TRPC3: variants seen among roughly 807,000 people sequenced by gnomAD.
The protein encoded by TRPC3 is transient receptor potential cation channel subfamily C member 3.
Under a neutral mutation model 90.9 loss-of-function variants are expected in TRPC3, and 54 were observed. The ratio of observed to expected loss-of-function variants is 0.59; its 90% CI spans 0.48 to 0.75. The LOEUF (loss-of-function observed/expected upper bound fraction) is 0.75. Among genes scored for constraint, TRPC3 ranks in the 30% least tolerant of loss-of-function variants. The probability of loss-of-function intolerance (pLI) is 0.00; values close to 1 mark genes in which losing one functional copy is unlikely to be tolerated. For missense variants in TRPC3, 918 were observed against 1,194.5 expected (o/e 0.77, Z 3.41); for synonymous variants, 424 against 450.9 (o/e 0.94, Z 0.75).
chr4:121,940,217 C>T (rs1202808380), intron 1 of TRPC3, among the ~76,000 whole-genome samples: 1 of 152,218 alleles, frequency 6.6e-6, no homozygotes. Flanking sequence ...TAGAGCAAGC[C>T]TTCCCTCCTT....
At chr4:121,895,270 A>G (rs931586077) in intron 10 of TRPC3, among the ~76,000 whole-genome samples, 1 of 152,182 alleles carries the variant, frequency 6.6e-6, no homozygotes, top group Admixed American at 6.5e-5. Flanking sequence ...AGCATAAAAA[A>G]TGCTTGAAAA....
rs1230488933 is a variant in TRPC3 at position 121,877,857 on chromosome 4, T to A, written c.*1879A>T. ...GAGGCTTATCTTCATACTTCTCTGA[T>A]CTTCAGATTCCAAGAATCTTAGGCT... is the stretch of plus-strand genomic sequence containing the variant. On this transcript the variant is annotated 3_prime_UTR_variant, in exon 12 of 12. Coordinates refer to ENST00000379645, the MANE Select transcript of TRPC3 (RefSeq NM_001130698.2). Among the ~76,000 whole-genome samples, 1 of 151,898 alleles carries A rather than the reference T, an allele frequency of 6.6e-6. No individual in the cohort carries two copies. Among genetic ancestry groups the A allele is most frequent in the East Asian group, 1.9e-4 (1 of 5,178 alleles).
chr4:121,934,136 G>A (rs1730051049), intron 1 of TRPC3, among the ~76,000 whole-genome samples: 1 of 152,122 alleles, frequency 6.6e-6, no homozygotes, highest in African/African-American at 2.4e-5. Flanking sequence ...CAATTGATGT[G>A]TACAGTGATT....
At position 121,878,590 on chromosome 4, in the gene TRPC3, A is replaced by G. The variant is rs1313756407; in HGVS notation, c.*1146T>C. ...CCTTTTCCCATTAAAGTCAAGAGGC[A>G]TTGCGGATATTACCAGCATTCAGCA... On this transcript the variant is annotated 3_prime_UTR_variant, in exon 12 of 12. Transcript: ENST00000379645. Among the ~76,000 whole-genome samples, 1 of 152,240 alleles carries G rather than the reference A, an allele frequency of 6.6e-6. No individual in the cohort carries two copies. The highest frequency in any genetic ancestry group is 1.5e-5 in the Non-Finnish European group (1 of 68,034).
intron 10 of TRPC3, among the ~76,000 whole-genome samples, chr4:121,894,422 C>T (rs1306723130): frequency 1.3e-5 from 2 of 152,010 alleles, no homozygotes; most frequent in African/African-American, 4.8e-5. Context: ...ACTTCAACCT[C>T]ACTCTCAGCA....
chr4:121,932,365 G>C lies in TRPC3; in HGVS notation c.893C>G (p.Ala298Gly). 1 of 1,614,184 alleles carries C rather than the reference G, an allele frequency of 6.2e-7. No individual in the cohort carries two copies. Among genetic ancestry groups the C allele is most frequent in the Non-Finnish European group, 8.5e-7 (1 of 1,180,022 alleles). ...INAYKGLASPAYLSLSSEDPV... is the reference protein window; with the variant it reads ...INAYKGLASPGYLSLSSEDPV... ...GTCCTCGCTGGACAATGAGAGGTAA[G>C]CCGGGCTGGCCAGCCCCTTGTAGGC... Residue 298 changes from alanine to glycine, a missense_variant, in exon 2 of 12, where the codon GCT (alanine) becomes GGT (glycine). Ala to Gly is a moderately conservative substitution (Grantham distance 60). This residue lies in a region of TRPC3 where 609 missense variants were observed against 725.9 expected (regional missense o/e 0.84). Transcript: ENST00000379645. This position sits in a 1 kb window ranked among gnomAD's most constrained non-coding sequence, Gnocchi z 7.7.
intron 1 of TRPC3, 158 bp from the exon 2 acceptor site, chr4:121,933,200 G>T: frequency 5.3e-6 from 7 of 1,331,894 alleles, no homozygotes; most frequent in Non-Finnish European, 6.7e-6. Flanking sequence ...CTACTCGCCT[G>T]AAAGTGACAC....
chr4:121,923,608 T>C (rs776897294), intron 3 of TRPC3, among the ~76,000 whole-genome samples: 1 of 152,256 alleles, frequency 6.6e-6, no homozygotes, highest in Non-Finnish European at 1.5e-5. Context: ...GCTAATCACA[T>C]GCATTATCTC....
chr4:121,903,791 T>C (rs1293045583), intron 8 of TRPC3, among the ~76,000 whole-genome samples: 1 of 152,126 alleles, frequency 6.6e-6, no homozygotes, highest in Non-Finnish European at 1.5e-5. Flanking sequence ...AGAGATTTGG[T>C]GGAGTTAACA....
At chr4:121,928,121 C>T (rs912131901) in intron 2 of TRPC3, among the ~76,000 whole-genome samples, 1 of 152,196 alleles carries the variant, frequency 6.6e-6, no homozygotes, top group Admixed American at 6.5e-5. Context: ...TTGAAGAACA[C>T]TTAGTACCCA....
At chr4:121,938,025 A>T (rs1269725954) in intron 1 of TRPC3, among the ~76,000 whole-genome samples, 4 of 151,978 alleles carry the variant, frequency 2.6e-5, no homozygotes, top group Non-Finnish European at 5.9e-5. Flanking sequence ...TATTTAAAAA[A>T]AAAAAAACAA....
At chr4:121,902,054 T>A (rs1432119702) in intron 9 of TRPC3, among the ~76,000 whole-genome samples, 2 of 152,216 alleles carry the variant, frequency 1.3e-5, no homozygotes, top group Non-Finnish European at 2.9e-5. Context: ...AGAAAAAATA[T>A]CTACCTTCAC....
At chr4:121,916,218 T>G (rs1729312194) in intron 3 of TRPC3, among the ~76,000 whole-genome samples, 1 of 152,114 alleles carries the variant, frequency 6.6e-6, no homozygotes, top group Non-Finnish European at 1.5e-5. Flanking sequence ...CACTGACTGG[T>G]GCATAGTTTC....
chr4:121,883,844 C>T (rs1457031708), intron 10 of TRPC3, among the ~76,000 whole-genome samples: 2 of 152,240 alleles, frequency 1.3e-5, no homozygotes, highest in East Asian at 3.9e-4. Context: ...GCAGCTGGAG[C>T]TATAGACATG....
rs1487439863 is a variant in TRPC3, at chr4:121,933,497, G to C, written c.216-455C>G. The C allele has an allele frequency of 4.6e-5, 7 of 153,382 alleles. 1 individual carries two copies. In the East Asian group the frequency reaches 1.3e-3, roughly 29 times the overall value. 9.5% of individuals were successfully genotyped at this position (153,382 alleles called of 1,614,324 possible). On this transcript the variant is annotated intron_variant, in intron 1 of 11. Transcript: ENST00000379645. ...GCCAAAACACTCCTGCCAAGTCATT[G>C]CATCCTTTTAACTAAATAAAATCAT... is the stretch of plus-strand genomic sequence containing the variant.
At chr4:121,906,378 C>G (rs1283085740) in intron 7 of TRPC3, among the ~76,000 whole-genome samples, 2 of 152,072 alleles carry the variant, frequency 1.3e-5, no homozygotes, top group Admixed American at 1.3e-4. Context: ...AAAATGGGGG[C>G]AGGGATCACA....
rs1727849257 is a variant in TRPC3, at chr4:121,879,022, C to G, written c.*714G>C. 6.6e-6 allele frequency: 1 copy of G among 152,102 alleles called. No individual in the cohort carries two copies. Among genetic ancestry groups the G allele is most frequent in the African/African-American group, 2.4e-5 (1 of 41,412 alleles). 9.4% of individuals were successfully genotyped at this position (152,102 alleles called of 1,614,324 possible). On this transcript the variant is annotated 3_prime_UTR_variant, in exon 12 of 12. Coordinates refer to ENST00000379645, the MANE Select transcript of TRPC3 (RefSeq NM_001130698.2). The stretch of plus-strand genomic sequence containing the variant: ...ACGTAAGTCTAAGACAGAAAGCAAG[C>G]AGTCTATATTTTAGAAAAATCTTTA...
intron 3 of TRPC3, among the ~76,000 whole-genome samples, chr4:121,920,566 A>G (rs924722121): frequency 6.6e-6 from 1 of 152,212 alleles, no homozygotes; most frequent in African/African-American, 2.4e-5. Context: ...AATAATCTTC[A>G]AAATCCATTC....
chr4:121,932,168 T>C lies in TRPC3; in HGVS notation c.987+103A>G. 4.0e-6 allele frequency: 6 copies of C among 1,518,504 alleles called. No individual in the cohort carries two copies. The highest frequency in any genetic ancestry group is 5.3e-6 in the Non-Finnish European group (6 of 1,131,672). 94.1% of individuals were successfully genotyped at this position (1,518,504 alleles called of 1,614,324 possible). ...CAGTCCCTCGTGATTTCACATTCAC[T>C]GGGCAAAACCGAATGTGGAGCGAAC... On this transcript the variant is annotated intron_variant, in intron 2 of 11. Transcript: ENST00000379645. This position sits in a 1 kb window ranked among gnomAD's most constrained non-coding sequence, Gnocchi z 7.7.
Sources: gnomAD v4.1 joint callset for allele counts (sites outside exome capture counted in the v4.1 genomes callset) on GRCh38, gnomAD v4.1.1 for gene constraint, gnomAD v4.1.1 regional missense constraint, Gnocchi (gnomAD v3.1) non-coding constraint, MANE v1.5 for transcripts, NCBI Gene and HGNC (gene_info 2026-07-23, HGNC 2026-07-21) for gene names.